XRN2: variants seen among roughly 807,000 people sequenced by gnomAD.
XRN2 encodes DHM1-like protein.
Under a neutral mutation model 138.5 loss-of-function variants are expected in XRN2, and 44 were observed. The ratio of observed to expected loss-of-function variants is 0.32; its 90% CI spans 0.25 to 0.41. The LOEUF is 0.41. Ranked by LOEUF, XRN2 falls within the 10% of genes least tolerant of loss-of-function variation. XRN2 has a pLI of 1.00. For missense variants in XRN2, 937 were observed against 1,169.3 expected (o/e 0.80, Z 2.90); for synonymous variants, 354 against 369.4 (o/e 0.96, Z 0.48).
chr20:21,353,260 A>C (rs1399202395), intron 20 of XRN2, among the ~76,000 whole-genome samples: 2 of 12,136 alleles, frequency 1.6e-4, no homozygotes, highest in Non-Finnish European at 4.4e-4. Flanking sequence ...ATATATATAT[A>C]TATATCTCTT....
rs766878266 is a variant in XRN2, at chr20:21,386,961, G to T, written c.2742G>T (p.Gly914=). 85 of 1,613,782 alleles carry T rather than the reference G, an allele frequency of 5.3e-5. No homozygotes were observed. The highest frequency in any genetic ancestry group is 7.1e-5 in the Non-Finnish European group (84 of 1,179,786). Residue 914 remains glycine (G), a synonymous_variant, in exon 29 of 30, where the codon GGG becomes GGT. Transcript: ENST00000377191. ...FQPNQYQMLA[G]PGGYPPRRDD... ...CAAACCAGTACCAGATGCTAGCTGG[G>T]CCTGGTGGGTATCCACCCAGACGAG... is the stretch of plus-strand genomic sequence containing the variant.
chr20:21,371,828 A>G (rs1196047553), intron 27 of XRN2, among the ~76,000 whole-genome samples: 1 of 152,216 alleles, frequency 6.6e-6, no homozygotes, highest in Admixed American at 6.5e-5. Flanking sequence ...AGAGAATTTC[A>G]TGCCCTTAGG....
rs2038064427 is a variant in XRN2 at position 21,322,795 on chromosome 20, A to C, written c.76-3484A>C. Among the ~76,000 whole-genome samples the C allele has an allele frequency of 3.3e-5, 5 of 152,218 alleles. 1 individual carries two copies. In the South Asian group the frequency reaches 1.0e-3, roughly 32 times the overall value. On this transcript the variant is annotated intron_variant, in intron 1 of 29. Transcript: ENST00000377191. Reference sequence around the variant, plus strand: ...CATGCACAAATATAATGATATCCCAACTGCCTATTTGGAATAAATATATCC... The same window carrying C: ...CATGCACAAATATAATGATATCCCACCTGCCTATTTGGAATAAATATATCC...
At chr20:21,303,913 G>A (rs953088935) in intron 1 of XRN2, 28 of 955,554 alleles carry the variant, frequency 2.9e-5, no homozygotes, top group Middle Eastern at 5.3e-4. Context: ...ACCTTGTAAA[G>A]GAATCCCTGG....
At chr20:21,354,213 C>T (rs554014618) in intron 20 of XRN2, among the ~76,000 whole-genome samples, 179 of 152,148 alleles carry the variant, frequency 1.2e-3, no homozygotes, top group African/African-American at 4.1e-3. Context: ...CTGTCCCCTG[C>T]CCCCTAAGTT....
At chr20:21,366,756 C>A (rs766984707) in intron 26 of XRN2, among the ~76,000 whole-genome samples, 8 of 152,104 alleles carry the variant, frequency 5.3e-5, no homozygotes, top group East Asian at 1.9e-4. Flanking sequence ...TTGTACACCA[C>A]AAATATCTAA....
intron 20 of XRN2, among the ~76,000 whole-genome samples, chr20:21,352,937 T>G (rs2038527312): frequency 6.6e-6 from 1 of 151,884 alleles, no homozygotes; most frequent in Admixed American, 6.6e-5. Flanking sequence ...GCTGCTATTC[T>G]CATGTTTACT....
chr20:21,387,460 CCCT>C (rs2038948119), intron 29 of XRN2, among the ~76,000 whole-genome samples: 1 of 152,114 alleles, frequency 6.6e-6, no homozygotes, highest in East Asian at 1.9e-4. Flanking sequence ...CATCTGATAT[CCCT>C]CCTCATAAAA....
At chr20:21,331,399 TCACACA>T (rs71806398) in intron 6 of XRN2, among the ~76,000 whole-genome samples, 156 bp from the exon 7 acceptor site, 3,284 of 144,002 alleles carry the variant, frequency 0.023, 157 homozygotes, top group East Asian at 0.21. Context: ...TTGGTGTTTT[TCACACA>T]CACACACACA....
chr20:21,314,260 AG>A (rs2037927208), intron 1 of XRN2, among the ~76,000 whole-genome samples: 1 of 152,184 alleles, frequency 6.6e-6, no homozygotes, highest in African/African-American at 2.4e-5. Context: ...AGCATGTCGC[AG>A]TACTTTATTA....
chr20:21,383,086 T>A (rs563303708), intron 28 of XRN2, among the ~76,000 whole-genome samples: 1 of 152,362 alleles, frequency 6.6e-6, no homozygotes, highest in Admixed American at 6.5e-5. Context: ...GAACTTTATT[T>A]CATTGTTATC....
intron 1 of XRN2, among the ~76,000 whole-genome samples, chr20:21,325,757 T>C (rs2038118251): frequency 6.6e-6 from 1 of 152,054 alleles, no homozygotes. Context: ...TAGGTAAGAT[T>C]AAGGACGTAC....
At chr20:21,335,579 A>T (rs2038275265) in intron 13 of XRN2, among the ~76,000 whole-genome samples, 1 of 152,208 alleles carries the variant, frequency 6.6e-6, no homozygotes, top group East Asian at 1.9e-4. Context: ...TGTGATGTCA[A>T]GAGTTTTTTG....
intron 13 of XRN2, among the ~76,000 whole-genome samples, chr20:21,338,123 A>G (rs1174985720): frequency 6.6e-6 from 1 of 152,104 alleles, no homozygotes; most frequent in Non-Finnish European, 1.5e-5. Flanking sequence ...TTAAGGCCTT[A>G]TATTGCAGTT....
At chr20:21,338,859 C>G (rs999542240) in intron 13 of XRN2, among the ~76,000 whole-genome samples, 185 bp from the exon 14 acceptor site, 2 of 152,098 alleles carry the variant, frequency 1.3e-5, no homozygotes, top group Non-Finnish European at 2.9e-5. Context: ...ATTCAGTCTT[C>G]CATTGTTAAG....
rs1426725850 is a variant in XRN2 at position 21,328,587 on chromosome 20, G to A, written c.344G>A (p.Arg115His). 2.5e-6 allele frequency: 4 copies of A among 1,613,896 alleles called. No homozygotes were observed. The highest frequency in any genetic ancestry group is 1.7e-6 in the Non-Finnish European group (2 of 1,179,988). The change falls in exon 4 of 30, where the codon CGT becomes CAT. Residue 115 changes from arginine to histidine, a missense_variant. Transcript: ENST00000377191. ...VAPRAKMNQQRSRRFRASKEG... is the reference protein window; with the variant it reads ...VAPRAKMNQQHSRRFRASKEG... ...CCACGTGCTAAAATGAACCAGCAGC[G>A]TTCAAGGAGGTTCAGGGCATCAAAA...
In XRN2 at chr20:21,303,930, C is replaced by T. The variant is rs545026070; in HGVS notation, c.75+457C>T. 7.7e-6 allele frequency: 7 copies of T among 906,544 alleles called. No individual in the cohort carries two copies. In the East Asian group the frequency reaches 8.3e-4, roughly 108 times the overall value. The allele number at this position is 906,544 out of a possible 1,614,324, so 56.2% of individuals were successfully genotyped here. A position where few individuals can be genotyped will look rare whatever the true frequency, so the allele number is the denominator to read the frequency against. On this transcript the variant is annotated intron_variant, in intron 1 of 29. Coordinates refer to ENST00000377191, the MANE Select transcript of XRN2 (RefSeq NM_012255.5). ...CTTGTAAAGGAATCCCTGGCGGCGA[C>T]CTTTTCGTTGTTTACCAATTGTGCC...
At chr20:21,381,880 T>C (rs1302771579) in intron 27 of XRN2, 114 bp from the exon 28 acceptor site, 5 of 780,020 alleles carry the variant, frequency 6.4e-6, no homozygotes, top group Non-Finnish European at 9.5e-6. Context: ...CTAGTTTATT[T>C]GGTTTACAGT....
At chr20:21,357,000 T>C (rs1479537005) in intron 23 of XRN2, among the ~76,000 whole-genome samples, 1 of 152,186 alleles carries the variant, frequency 6.6e-6, no homozygotes, top group Non-Finnish European at 1.5e-5. Context: ...TCTCAAGAGA[T>C]AGAAGCAGAG....
Sources: gnomAD v4.1 joint callset for allele counts (sites outside exome capture counted in the v4.1 genomes callset) on GRCh38, gnomAD v4.1.1 for gene constraint, MANE v1.5 for transcripts, NCBI Gene and HGNC (gene_info 2026-07-23, HGNC 2026-07-21) for gene names.